The following ZBTB20 variants were observed in gnomAD, a reference collection of about 807,000 sequenced individuals.
ZBTB20 encodes the protein zinc finger and BTB domain containing 20, also known as zinc finger and BTB domain-containing protein 20.
In ZBTB20, 9 loss-of-function variants were observed where a neutral mutation model predicts 56.9. That is an observed-to-expected ratio of 0.16 (90% CI 0.10 to 0.28). The LOEUF (loss-of-function observed/expected upper bound fraction) is 0.28, where lower values mean the gene tolerates loss of function less well. Ranked by LOEUF, ZBTB20 falls within the 10% of genes least tolerant of loss-of-function variation. The probability of loss-of-function intolerance (pLI) is 1.00; values close to 1 mark genes in which losing one functional copy is unlikely to be tolerated. For synonymous variants in ZBTB20, 417 were observed against 420.7 expected (o/e 0.99, Z 0.11); for missense variants, 655 against 1,003.0 (o/e 0.65, Z 4.69).
chr3:114,871,438 T>C (rs950843665), intron 4 of ZBTB20, among the ~76,000 whole-genome samples: 2 of 152,130 alleles, frequency 1.3e-5, no homozygotes, highest in African/African-American at 4.8e-5. Flanking sequence ...CCAGAACATA[T>C]TGCTTTTATA....
intron 6 of ZBTB20, among the ~76,000 whole-genome samples, chr3:114,501,705 T>A (rs1273263740): frequency 1.3e-5 from 2 of 148,904 alleles, no homozygotes; most frequent in African/African-American, 4.9e-5. Flanking sequence ...TGTTTTTTTT[T>A]CTTTCTTTTT....
chr3:114,856,570 A>G (rs2075264751), intron 4 of ZBTB20, among the ~76,000 whole-genome samples: 1 of 152,178 alleles, frequency 6.6e-6, no homozygotes, highest in Non-Finnish European at 1.5e-5. Context: ...AAAAAAAGAT[A>G]CAATAATTGT....
chr3:114,750,661 G>A (rs1181597648), intron 5 of ZBTB20, among the ~76,000 whole-genome samples: 6 of 152,116 alleles, frequency 3.9e-5, no homozygotes, highest in South Asian at 2.1e-4. Flanking sequence ...TGTGTTTCAC[G>A]TCCCACTGTT....
chr3:114,818,870 C>G (rs531104553), intron 4 of ZBTB20, among the ~76,000 whole-genome samples: 5 of 151,910 alleles, frequency 3.3e-5, no homozygotes, highest in African/African-American at 1.2e-4. Context: ...AGGAAATAGA[C>G]AGTCATCTTT....
At chr3:114,823,065 G>T (rs1006468165) in intron 4 of ZBTB20, among the ~76,000 whole-genome samples, 3 of 152,046 alleles carry the variant, frequency 2.0e-5, no homozygotes, top group African/African-American at 7.2e-5. Flanking sequence ...TAATGCTATA[G>T]AAATCCTACA....
At chr3:114,873,683 G>C (rs1179216320) in intron 4 of ZBTB20, among the ~76,000 whole-genome samples, 4 of 152,038 alleles carry the variant, frequency 2.6e-5, no homozygotes, top group Non-Finnish European at 5.9e-5. Context: ...CTTAGTTTTG[G>C]GGGGTGGGGA....
At chr3:114,769,579 AT>A (rs2069042546) in intron 5 of ZBTB20, among the ~76,000 whole-genome samples, 4 of 142,254 alleles carry the variant, frequency 2.8e-5, no homozygotes, top group African/African-American at 5.3e-5. Flanking sequence ...ATATATATAT[AT>A]ATATATATAT....
chr3:114,955,733 T>C (rs2107939406), intron 3 of ZBTB20, among the ~76,000 whole-genome samples: 1 of 152,284 alleles, frequency 6.6e-6, no homozygotes, highest in East Asian at 1.9e-4. Flanking sequence ...TCTCTGACTT[T>C]GGCTTTCTAG....
At chr3:114,658,099 A>G (rs746820482) in intron 6 of ZBTB20, among the ~76,000 whole-genome samples, 1 of 152,216 alleles carries the variant, frequency 6.6e-6, no homozygotes, top group Non-Finnish European at 1.5e-5. Context: ...AAAGTGCTAT[A>G]TATTCCACTC....
intron 6 of ZBTB20, among the ~76,000 whole-genome samples, chr3:114,643,463 T>A (rs1217690785): frequency 6.6e-6 from 1 of 152,148 alleles, no homozygotes; most frequent in Non-Finnish European, 1.5e-5. Context: ...GTGTTGCACA[T>A]TCTTCAATTA....
At chr3:114,662,932 G>T (rs1200107507) in intron 6 of ZBTB20, among the ~76,000 whole-genome samples, 1 of 151,688 alleles carries the variant, frequency 6.6e-6, no homozygotes, top group Admixed American at 6.6e-5. Context: ...TGAAAGTGAT[G>T]TGGAGAATGG....
chr3:114,541,363 T>C (rs534735878), intron 6 of ZBTB20, among the ~76,000 whole-genome samples: 1 of 152,284 alleles, frequency 6.6e-6, no homozygotes, highest in East Asian at 1.9e-4. Context: ...TTCTACAATA[T>C]ATGTTTCATT....
At chr3:114,887,275 A>T (rs899963330) in intron 4 of ZBTB20, among the ~76,000 whole-genome samples, 8 of 152,204 alleles carry the variant, frequency 5.3e-5, no homozygotes, top group African/African-American at 1.9e-4. Flanking sequence ...TTCAAACCAT[A>T]GCAGTGTGTA....
chr3:114,360,631 G>A (rs928847213), intron 10 of ZBTB20, among the ~76,000 whole-genome samples: 3 of 151,924 alleles, frequency 2.0e-5, no homozygotes, highest in Non-Finnish European at 2.9e-5. Flanking sequence ...GATTACAGGC[G>A]TGAGCCACTG....
intron 4 of ZBTB20, among the ~76,000 whole-genome samples, chr3:114,837,525 G>T (rs562808136): frequency 5.3e-5 from 8 of 152,074 alleles, no homozygotes; most frequent in South Asian, 2.1e-4. Context: ...CTGAATTCTC[G>T]ACTGAAGAGG....
At chr3:114,800,405 A>C (rs941951731) in intron 5 of ZBTB20, among the ~76,000 whole-genome samples, 6 of 151,884 alleles carry the variant, frequency 4.0e-5, no homozygotes, top group Admixed American at 1.3e-4. Flanking sequence ...GTACATTGAC[A>C]AAACAGCAGC....
At chr3:114,784,774 G>A (rs1385511923) in intron 5 of ZBTB20, among the ~76,000 whole-genome samples, 1 of 151,996 alleles carries the variant, frequency 6.6e-6, no homozygotes, top group Non-Finnish European at 1.5e-5. Flanking sequence ...ATATAACATC[G>A]CTGCTATTTT....
chr3:115,094,122 G>T (rs574731411), intron 1 of ZBTB20, among the ~76,000 whole-genome samples: 1 of 151,946 alleles, frequency 6.6e-6, no homozygotes, highest in Non-Finnish European at 1.5e-5. Context: ...GAAATGAGGT[G>T]AGGGGATAAA....
At chr3:114,993,727 A>G (rs1321342412) in intron 2 of ZBTB20, among the ~76,000 whole-genome samples, 3 of 151,942 alleles carry the variant, frequency 2.0e-5, no homozygotes, top group Non-Finnish European at 4.4e-5. Context: ...TAAAGGCACT[A>G]CATATCAAAA....
Sources: gnomAD v4.1 joint callset for allele counts (sites outside exome capture counted in the v4.1 genomes callset) on GRCh38, gnomAD v4.1.1 for gene constraint, MANE v1.5 for transcripts, NCBI Gene and HGNC (gene_info 2026-07-23, HGNC 2026-07-21) for gene names.